The following LRRC4C variants were observed in gnomAD, a reference collection of about 807,000 sequenced individuals.
LRRC4C encodes the protein leucine rich repeat containing 4C.
A neutral mutation model predicts 33.6 loss-of-function variants in LRRC4C; 5 were observed. The observed-to-expected ratio is 0.15, with a 90% CI of 0.08 to 0.31. The LOEUF (loss-of-function observed/expected upper bound fraction) is 0.31. Among genes scored for constraint, LRRC4C ranks in the 10% least tolerant of loss-of-function variants. LRRC4C has a pLI of 1.00. For synonymous variants in LRRC4C, 329 were observed against 302.0 expected, an observed-to-expected ratio of 1.09 and a Z score of -0.93; for missense variants, 560 against 796.7, an observed-to-expected ratio of 0.70 and a Z score of 3.58.
intron 6 of LRRC4C, among the ~76,000 whole-genome samples, chr11:40,122,454 G>C (rs138615224): frequency 6.6e-6 from 1 of 152,052 alleles, no homozygotes; most frequent in Non-Finnish European, 1.5e-5. Context: ...TCTCCTCCCT[G>C]TGTCCACGTG....
At chr11:40,609,650 A>T (rs545886266) in intron 3 of LRRC4C, among the ~76,000 whole-genome samples, 1 of 152,106 alleles carries the variant, frequency 6.6e-6, no homozygotes, top group African/African-American at 2.4e-5. Flanking sequence ...AGGATTAACA[A>T]ATCTTTAAAC....
intron 1 of LRRC4C, among the ~76,000 whole-genome samples, chr11:41,218,269 G>A (rs1947149624): frequency 6.6e-6 from 1 of 152,126 alleles, no homozygotes; most frequent in South Asian, 2.1e-4. Context: ...TTGTCAGTAT[G>A]TTCAACTTAC....
At chr11:40,229,340 T>G (rs1865034266) in intron 5 of LRRC4C, among the ~76,000 whole-genome samples, 1 of 152,174 alleles carries the variant, frequency 6.6e-6, no homozygotes, top group South Asian at 2.1e-4. Flanking sequence ...TAGCGTGATC[T>G]CAGCTCACTG....
chr11:40,636,114 A>G (rs1963940798), intron 3 of LRRC4C, among the ~76,000 whole-genome samples: 1 of 152,184 alleles, frequency 6.6e-6, no homozygotes, highest in African/African-American at 2.4e-5. Context: ...CTAAGGTCTA[A>G]GGCGGGCCTG....
At chr11:41,424,034 T>C (rs1185098497) in intron 1 of LRRC4C, 3 of 152,122 alleles carry the variant, frequency 2.0e-5, no homozygotes, top group Non-Finnish European at 4.4e-5. Context: ...GGTATATCTT[T>C]ATCAGCAGTG....
chr11:40,495,824 T>TTTTTTG (rs1471045374), intron 3 of LRRC4C, among the ~76,000 whole-genome samples: 11 of 41,866 alleles, frequency 2.6e-4, no homozygotes, highest in African/African-American at 9.0e-4. Flanking sequence ...TTTTTTTTTT[T>TTTTTTG]TTTTTTTTTT....
At chr11:40,318,486 T>A (rs536573535) in intron 4 of LRRC4C, among the ~76,000 whole-genome samples, 38 of 152,288 alleles carry the variant, frequency 2.5e-4, no homozygotes, top group African/African-American at 9.1e-4. Context: ...TCCTGCTACC[T>A]TCTACAGATA....
intron 1 of LRRC4C, among the ~76,000 whole-genome samples, chr11:41,216,997 A>G (rs958569863): frequency 1.6e-4 from 24 of 152,316 alleles, no homozygotes; most frequent in African/African-American, 5.5e-4. Flanking sequence ...GAAACGGGTC[A>G]TGAGTGGAAG....
chr11:41,136,062 C>CA (rs1479130147), intron 1 of LRRC4C, among the ~76,000 whole-genome samples: 1 of 151,968 alleles, frequency 6.6e-6, no homozygotes, highest in African/African-American at 2.4e-5. Context: ...ATCATTTATT[C>CA]AAAAAAACAC....
intron 2 of LRRC4C, among the ~76,000 whole-genome samples, chr11:40,731,852 G>A (rs920938395): frequency 1.3e-5 from 2 of 152,036 alleles, no homozygotes; most frequent in African/African-American, 4.8e-5. Flanking sequence ...AATGAAAGGT[G>A]CTTTGTTACT....
chr11:40,671,184 A>G (rs1245680820), intron 2 of LRRC4C, among the ~76,000 whole-genome samples: 2 of 152,220 alleles, frequency 1.3e-5, no homozygotes, highest in Non-Finnish European at 2.9e-5. Flanking sequence ...ATCTATATCT[A>G]AATTGATGTC....
chr11:40,320,026 T>A lies in LRRC4C; in HGVS notation c.-269-305A>T, dbSNP rs1165238562. Among the ~76,000 whole-genome samples the A allele has an allele frequency of 3.3e-5, 5 of 152,162 alleles. 1 individual carries two copies. Among genetic ancestry groups the A allele is most frequent in the African/African-American group, 1.2e-4 (5 of 41,442 alleles). On this transcript the variant is annotated intron_variant, in intron 3 of 6. Coordinates refer to ENST00000528697, the MANE Select transcript of LRRC4C (RefSeq NM_001258419.2). The stretch of plus-strand genomic sequence containing the variant: ...TATTAGTCTTTCATTTCTTTTTTAA[T>A]GTCATTGCATTTTATTGAAATGTGT...
chr11:40,255,911 C>T (rs1565193090), intron 4 of LRRC4C, among the ~76,000 whole-genome samples: 1 of 152,210 alleles, frequency 6.6e-6, no homozygotes, highest in Non-Finnish European at 1.5e-5. Context: ...GATACTGCAT[C>T]ATTGATATAC....
intron 6 of LRRC4C, among the ~76,000 whole-genome samples, chr11:40,127,479 T>G (rs927431303): frequency 1.3e-5 from 2 of 151,898 alleles, no homozygotes; most frequent in Non-Finnish European, 2.9e-5. Context: ...CTAGCCCAAT[T>G]GAGGGGCACT....
chr11:40,788,141 T>C (rs970976103), intron 2 of LRRC4C, among the ~76,000 whole-genome samples: 1 of 152,216 alleles, frequency 6.6e-6, no homozygotes, highest in Admixed American at 6.5e-5. Context: ...AGTTTCAATC[T>C]GAGTTCTGTC....
intron 4 of LRRC4C, among the ~76,000 whole-genome samples, chr11:40,269,168 C>T (rs770164375): frequency 5.9e-5 from 9 of 152,114 alleles, no homozygotes; most frequent in African/African-American, 1.4e-4. Flanking sequence ...ATGCTACAAA[C>T]GTGATATTTC....
At chr11:40,536,695 C>CT (rs201556821) in intron 3 of LRRC4C, among the ~76,000 whole-genome samples, 86 of 151,502 alleles carry the variant, frequency 5.7e-4, no homozygotes, top group East Asian at 2.1e-3. Context: ...CTGGAATGCT[C>CT]TTTTTTTTTC....
At chr11:41,276,337 TCCTTGAACATG>T (rs79053372) in intron 1 of LRRC4C, among the ~76,000 whole-genome samples, 9,843 of 152,214 alleles carry the variant, frequency 0.065, 413 homozygotes, top group Non-Finnish European at 0.1. Flanking sequence ...GTGTTTTAGC[TCCTTGAACATG>T]CCCATCCTGT....
At chr11:41,233,967 CTT>C (rs34427207) in intron 1 of LRRC4C, among the ~76,000 whole-genome samples, 3,557 of 140,236 alleles carry the variant, frequency 0.025, 145 homozygotes, top group African/African-American at 0.085. Context: ...TCTCCAAAAG[CTT>C]TTTTTTTTTT....
Sources: gnomAD v4.1 joint callset for allele counts (sites outside exome capture counted in the v4.1 genomes callset) on GRCh38, gnomAD v4.1.1 for gene constraint, MANE v1.5 for transcripts, NCBI Gene and HGNC (gene_info 2026-07-23, HGNC 2026-07-21) for gene names.